Variants in OR7E24 observed in about 807,000 individuals in gnomAD.
OR7E24 encodes olfactory receptor family 7 subfamily E member 24, also known as olfactory receptor 7E24.
For missense variants in OR7E24, 385 were observed against 410.3 expected (o/e 0.94, Z 0.53); for synonymous variants, 130 against 157.5 (o/e 0.83, Z 1.31).
chr19:9,218,466 A>G, the OR7E24 span, among the ~76,000 whole-genome samples: 1 of 152,242 alleles, frequency 6.6e-6, no homozygotes, highest in Non-Finnish European at 1.5e-5. Flanking sequence ...CTCTCAATAA[A>G]GGAAGAAACC....
the OR7E24 span, chr19:9,210,281 A>C: frequency 1.3e-5 from 2 of 152,094 alleles, no homozygotes; most frequent in Non-Finnish European, 2.9e-5. Context: ...CTCACCTCTG[A>C]GCCATGGGTG....
chr19:9,231,232 CT>C, the OR7E24 span, among the ~76,000 whole-genome samples: 3 of 152,038 alleles, frequency 2.0e-5, no homozygotes, highest in Non-Finnish European at 4.4e-5. Context: ...CTGAGAAATG[CT>C]ATAGTGTTTT....
the OR7E24 span, chr19:9,208,151 C>T: frequency 2.0e-5 from 3 of 151,956 alleles, no homozygotes; most frequent in African/African-American, 7.3e-5. Context: ...ATTCTCCTGA[C>T]TCAGCCTCCC....
chr19:9,241,528 G>T, the OR7E24 span, among the ~76,000 whole-genome samples: 4 of 152,156 alleles, frequency 2.6e-5, no homozygotes, highest in Non-Finnish European at 5.9e-5. Context: ...CACTTTGGGG[G>T]CTGAGGTGGG....
upstream of OR7E24, chr19:9,247,479 C>A: frequency 2.5e-6 from 1 of 398,752 alleles, no homozygotes. Flanking sequence ...CGGACCTACT[C>A]TCCATGGTCA....
upstream of OR7E24, among the ~76,000 whole-genome samples, chr19:9,249,808 C>T (rs2066140117): frequency 6.6e-6 from 1 of 151,946 alleles, no homozygotes; most frequent in Non-Finnish European, 1.5e-5. Flanking sequence ...CAAAAATCAG[C>T]TGTGCATGGT....
chr19:9,241,521 T>TCCAAAG, the OR7E24 span, among the ~76,000 whole-genome samples: 1 of 152,076 alleles, frequency 6.6e-6, no homozygotes, highest in Non-Finnish European at 1.5e-5. Context: ...ATCCCAGCAC[T>TCCAAAG]TTGGGGGCTG....
the OR7E24 span, among the ~76,000 whole-genome samples, chr19:9,234,401 A>T: frequency 6.6e-6 from 1 of 152,232 alleles, no homozygotes; most frequent in Non-Finnish European, 1.5e-5. Context: ...CTTATTGTAC[A>T]CAAAGCCACT....
chr19:9,231,473 G>A, the OR7E24 span, among the ~76,000 whole-genome samples: 1 of 152,160 alleles, frequency 6.6e-6, no homozygotes, highest in Admixed American at 6.5e-5. Flanking sequence ...CCAGCTACTT[G>A]GGAGGCTGCG....
chr19:9,240,021 G>A, the OR7E24 span, among the ~76,000 whole-genome samples: 1 of 151,932 alleles, frequency 6.6e-6, no homozygotes, highest in African/African-American at 2.4e-5. Context: ...ATTCCCTCTT[G>A]AATAGGTCGT....
chr19:9,234,730 T>C, the OR7E24 span, among the ~76,000 whole-genome samples: 3 of 152,070 alleles, frequency 2.0e-5, no homozygotes, highest in South Asian at 6.2e-4. Flanking sequence ...ACTAAGGAAC[T>C]GAGAATTAAC....
chr19:9,250,022 G>A (rs565289576), upstream of OR7E24, among the ~76,000 whole-genome samples: 21 of 152,102 alleles, frequency 1.4e-4, no homozygotes, highest in African/African-American at 4.6e-4. Flanking sequence ...CCACAGGTAC[G>A]TTGCACACTA....
chr19:9,240,297 G>C, the OR7E24 span, among the ~76,000 whole-genome samples: 5 of 152,088 alleles, frequency 3.3e-5, no homozygotes, highest in Non-Finnish European at 5.9e-5. Context: ...TTTTGCCTTT[G>C]TTGCTTGTGT....
At chr19:9,221,424 C>A in the OR7E24 span, among the ~76,000 whole-genome samples, 6 of 127,964 alleles carry the variant, frequency 4.7e-5, no homozygotes, top group East Asian at 1.6e-3. Flanking sequence ...GATCTCCGCT[C>A]GCTGCAAGCT....
the OR7E24 span, among the ~76,000 whole-genome samples, chr19:9,217,912 T>C: frequency 6.6e-6 from 1 of 152,134 alleles, no homozygotes; most frequent in Non-Finnish European, 1.5e-5. Context: ...GAATTCGAGA[T>C]TGTCCCATGG....
At chr19:9,225,007 G>A in the OR7E24 span, among the ~76,000 whole-genome samples, 1 of 152,110 alleles carries the variant, frequency 6.6e-6, no homozygotes, top group Non-Finnish European at 1.5e-5. Context: ...ATGACAACCA[G>A]GACTTGGAAT....
chr19:9,206,824 G>A, the OR7E24 span: 1 of 152,152 alleles, frequency 6.6e-6, no homozygotes, highest in South Asian at 2.1e-4. Context: ...ACTTTAAGCA[G>A]GCTATGTGTG....
At chr19:9,209,136 A>G in the OR7E24 span, 3 of 152,218 alleles carry the variant, frequency 2.0e-5, no homozygotes, top group African/African-American at 7.2e-5. Flanking sequence ...GATGGTTCAC[A>G]GTAGCCAACC....
chr19:9,229,003 A>G, the OR7E24 span, among the ~76,000 whole-genome samples: 1 of 152,202 alleles, frequency 6.6e-6, no homozygotes. Context: ...GATGGTTTCA[A>G]GGATGTATGC....
Sources: gnomAD v4.1 joint callset for allele counts (sites outside exome capture counted in the v4.1 genomes callset) on GRCh38, gnomAD v4.1.1 for gene constraint, MANE v1.5 for transcripts, NCBI Gene and HGNC (gene_info 2026-07-23, HGNC 2026-07-21) for gene names.